Variants in PI4K2B observed in about 807,000 individuals in gnomAD.
The protein encoded by PI4K2B is phosphatidylinositol 4-kinase type 2 beta.
PI4K2B carries 46 observed loss-of-function variants against 56.6 expected under a neutral mutation model. The ratio of observed to expected loss-of-function variants is 0.81; its 90% CI spans 0.64 to 1.04. PI4K2B has a LOEUF of 1.04. PI4K2B is among the 50% of genes least tolerant of loss of function. The pLI, the probability that PI4K2B is intolerant of heterozygous loss-of-function variation, is 0.00. For synonymous variants in PI4K2B, 211 were observed against 223.8 expected (o/e 0.94, Z 0.51); for missense variants, 556 against 607.7 (o/e 0.91, Z 0.89).
At chr4:25,244,765 G>T (rs1715687525) in intron 1 of PI4K2B, among the ~76,000 whole-genome samples, 4 of 152,188 alleles carry the variant, frequency 2.6e-5, no homozygotes, top group Middle Eastern at 3.4e-3. Flanking sequence ...GATCGGAATA[G>T]TTGCGCTCAC....
At chr4:25,242,398 G>A (rs553838807) in intron 1 of PI4K2B, among the ~76,000 whole-genome samples, 1 of 152,356 alleles carries the variant, frequency 6.6e-6, no homozygotes. Flanking sequence ...CGTAAGTTGG[G>A]ACTTGTGGTC....
At chr4:25,236,288 G>A (rs1326293205) in intron 1 of PI4K2B, among the ~76,000 whole-genome samples, 1 of 151,572 alleles carries the variant, frequency 6.6e-6, no homozygotes, top group Non-Finnish European at 1.5e-5. Context: ...CATGGCTCAT[G>A]CCTGTAATCC....
At chr4:25,266,962 CAG>C (rs74389325) in intron 7 of PI4K2B, among the ~76,000 whole-genome samples, 11,261 of 152,106 alleles carry the variant, frequency 0.074, 469 homozygotes, top group South Asian at 0.13. Flanking sequence ...AGTGTGGAAT[CAG>C]GGGTAACAGT....
At chr4:25,252,867 G>A (rs1240103783) in intron 2 of PI4K2B, among the ~76,000 whole-genome samples, 1 of 152,058 alleles carries the variant, frequency 6.6e-6, no homozygotes, top group Non-Finnish European at 1.5e-5. Flanking sequence ...CTCGGCTTTG[G>A]CTCCCAAAGT....
At chr4:25,261,289 T>TA (rs1162234139) in intron 6 of PI4K2B, among the ~76,000 whole-genome samples, 1 of 152,098 alleles carries the variant, frequency 6.6e-6, no homozygotes, top group African/African-American at 2.4e-5. Context: ...CCACTGAACT[T>TA]AAAAAAAGTA....
At chr4:25,272,521 G>T (rs952421304) in intron 9 of PI4K2B, among the ~76,000 whole-genome samples, 3 of 151,974 alleles carry the variant, frequency 2.0e-5, no homozygotes, top group African/African-American at 7.3e-5. Context: ...TTGGTCTAAG[G>T]CCAGGTGTGG....
intron 1 of PI4K2B, among the ~76,000 whole-genome samples, chr4:25,248,396 G>A (rs1487878328): frequency 1.3e-5 from 2 of 152,064 alleles, no homozygotes; most frequent in African/African-American, 2.4e-5. Flanking sequence ...TTCTCGTTTT[G>A]GAGTTTCTCT....
chr4:25,245,923 GAA>G (rs1394001892), intron 1 of PI4K2B, among the ~76,000 whole-genome samples: 2 of 152,116 alleles, frequency 1.3e-5, no homozygotes. Context: ...AATGTGTCCG[GAA>G]TTGGTGGGTT....
chr4:25,243,791 T>C (rs1468089866), intron 1 of PI4K2B, among the ~76,000 whole-genome samples: 4 of 152,222 alleles, frequency 2.6e-5, no homozygotes, highest in Non-Finnish European at 4.4e-5. Flanking sequence ...CATGGGCTTT[T>C]TTCTAATTCT....
intron 1 of PI4K2B, among the ~76,000 whole-genome samples, chr4:25,246,956 G>C (rs773458479): frequency 6.6e-6 from 1 of 152,228 alleles, no homozygotes; most frequent in Non-Finnish European, 1.5e-5. Context: ...GCGCTGGCCT[G>C]CAAGCGCCGC....
chr4:25,236,525 C>G (rs1192459815), intron 1 of PI4K2B, among the ~76,000 whole-genome samples: 2 of 152,162 alleles, frequency 1.3e-5, no homozygotes, highest in Non-Finnish European at 2.9e-5. Flanking sequence ...TGCACTCCAG[C>G]CTGGGTGACA....
intron 2 of PI4K2B, among the ~76,000 whole-genome samples, chr4:25,253,040 T>C (rs1271504484): frequency 6.6e-6 from 1 of 152,216 alleles, no homozygotes; most frequent in East Asian, 1.9e-4. Context: ...CATTCAGCTG[T>C]AGCCTTTTTG....
chr4:25,234,551 C>CAGCA, intron 1 of PI4K2B, 120 bp downstream of exon 1: 2 of 685,640 alleles, frequency 2.9e-6, no homozygotes, highest in Non-Finnish European at 4.1e-6. Flanking sequence ...GCTCGCTGGG[C>CAGCA]AGCAGCTCCC....
chr4:25,256,252 C>T (rs760829730), intron 3 of PI4K2B, among the ~76,000 whole-genome samples: 3 of 152,192 alleles, frequency 2.0e-5, no homozygotes, highest in Non-Finnish European at 4.4e-5. Context: ...TACTTGAAGC[C>T]TTCTTCCTTA....
At chr4:25,276,646 G>T in intron 9 of PI4K2B, 1 of 984,186 alleles carries the variant, frequency 1.0e-6, no homozygotes, top group Non-Finnish European at 1.2e-6. Flanking sequence ...AAACCAGACT[G>T]TTTAAACCAG....
At chr4:25,237,657 G>A (rs989997198) in intron 1 of PI4K2B, among the ~76,000 whole-genome samples, 2 of 152,166 alleles carry the variant, frequency 1.3e-5, no homozygotes, top group Non-Finnish European at 2.9e-5. Flanking sequence ...CACCATGCCT[G>A]GCCTTGTTCT....
intron 1 of PI4K2B, among the ~76,000 whole-genome samples, chr4:25,249,704 C>T (rs1003695528): frequency 1.3e-5 from 2 of 150,220 alleles, no homozygotes; most frequent in Admixed American, 6.6e-5. Flanking sequence ...GACGGGGTGG[C>T]GGCCGGGCAG....
chr4:25,276,778 G>A (rs1239103287), intron 9 of PI4K2B: 8 of 984,832 alleles, frequency 8.1e-6, no homozygotes, highest in Admixed American at 6.2e-5. Context: ...TTACCATCTG[G>A]CAAAAGTTAT....
intron 4 of PI4K2B, chr4:25,258,393 G>C (rs1279960026): frequency 6.6e-6 from 1 of 151,588 alleles, no homozygotes; most frequent in African/African-American, 2.4e-5. Flanking sequence ...ATTTTAAATA[G>C]AGACAGGGTT....
Sources: allele counts gnomAD v4.1 joint callset (sites outside exome capture counted in the v4.1 genomes callset), GRCh38; gene constraint gnomAD v4.1.1; transcripts MANE v1.5; gene names NCBI Gene and HGNC (gene_info 2026-07-23, HGNC 2026-07-21).